The following ARNT2 variants were observed in gnomAD, a reference collection of about 807,000 sequenced individuals.
ARNT2 encodes the protein ARNT protein 2.
In ARNT2, 36 loss-of-function variants were observed where a neutral mutation model predicts 91.7. That is an observed-to-expected ratio of 0.39 (90% CI 0.30 to 0.52). ARNT2 has a LOEUF of 0.52. ARNT2 is among the 20% of genes least tolerant of loss of function. The probability of loss-of-function intolerance (pLI) is 0.72; values close to 1 mark genes in which losing one functional copy is unlikely to be tolerated. For missense variants in ARNT2, 775 were observed against 939.3 expected (o/e 0.83, Z 2.29); for synonymous variants, 365 against 347.1 (o/e 1.05, Z -0.57).
chr15:80,572,508 T>C (rs990783604), intron 12 of ARNT2, among the ~76,000 whole-genome samples: 1 of 151,176 alleles, frequency 6.6e-6, no homozygotes, highest in African/African-American at 2.4e-5. Context: ...CCTCTCTTCC[T>C]ACCCACAGAA....
chr15:80,490,085 C>CTT (rs146840992), intron 5 of ARNT2, among the ~76,000 whole-genome samples: 2,147 of 152,210 alleles, frequency 0.014, 53 homozygotes, highest in African/African-American at 0.05. Flanking sequence ...CGTGCACACA[C>CTT]TTTTGTAAGC....
chr15:80,559,339 C>A lies in ARNT2; in HGVS notation c.1165-3749C>A, dbSNP rs529781466. On this transcript the variant is annotated intron_variant, in intron 11 of 18. Transcript: ENST00000303329. ...GTCCCAGCCCCAGACCCAGCCCCAG[C>A]CCCAGCCCCGGCCACAGGGCACTGT... Among the ~76,000 whole-genome samples, 689 of 151,924 alleles carry A rather than the reference C, an allele frequency of 4.5e-3. 2 individuals are homozygous for A. Among genetic ancestry groups the A allele is most frequent in the Middle Eastern group, 6.8e-3 (2 of 294 alleles).
rs200867174 is a variant in ARNT2 at position 80,580,593 on chromosome 15, G to A, written c.1752+44G>A. On this transcript the variant is annotated intron_variant, in intron 16 of 18. Coordinates refer to ENST00000303329, the MANE Select transcript of ARNT2 (RefSeq NM_014862.4). ...GCATCTCCCCTGGGTGACCAGAGAG[G>A]CAGAGCACTCTGGGAAGTGTTTTCT... 70 of 1,611,912 alleles carry A rather than the reference G, an allele frequency of 4.3e-5. 1 individual carries two copies. In the East Asian group the frequency reaches 1.4e-3, roughly 31 times the overall value.
At chr15:80,516,828 A>AATTATAT (rs1555411356) in intron 8 of ARNT2, among the ~76,000 whole-genome samples, 5 of 74,800 alleles carry the variant, frequency 6.7e-5, no homozygotes, top group Non-Finnish European at 1.3e-4. Flanking sequence ...TACAATTACA[A>AATTATAT]ATATATATAT....
chr15:80,528,366 TTATCTATCTATCTATC>T (rs149942992), intron 8 of ARNT2, among the ~76,000 whole-genome samples: 34 of 148,882 alleles, frequency 2.3e-4, no homozygotes, highest in African/African-American at 5.7e-4. Context: ...ATTTGACCAT[TTATCTATCTATCTATC>T]TATCTATCTA....
intron 17 of ARNT2, among the ~76,000 whole-genome samples, chr15:80,589,073 T>C (rs1470807610): frequency 6.6e-6 from 1 of 152,200 alleles, no homozygotes; most frequent in Non-Finnish European, 1.5e-5. Context: ...AAGGAAGGCC[T>C]GACTCAGACC....
intron 1 of ARNT2, among the ~76,000 whole-genome samples, chr15:80,435,061 G>C (rs1327421981): frequency 1.3e-5 from 2 of 152,024 alleles, no homozygotes; most frequent in Admixed American, 6.5e-5. Flanking sequence ...GTTGTCGCCT[G>C]TACCACTCTC....
At chr15:80,476,191 C>A (rs900593643) in intron 5 of ARNT2, among the ~76,000 whole-genome samples, 2 of 152,070 alleles carry the variant, frequency 1.3e-5, no homozygotes, top group East Asian at 1.9e-4. Flanking sequence ...TATGTTATTG[C>A]GAAATGGTAG....
chr15:80,552,252 T>G (rs1252455857), intron 9 of ARNT2, among the ~76,000 whole-genome samples: 1 of 152,218 alleles, frequency 6.6e-6, no homozygotes, highest in Non-Finnish European at 1.5e-5. Context: ...TTTTAACTAG[T>G]TCCTTAGGCT....
intron 5 of ARNT2, among the ~76,000 whole-genome samples, chr15:80,491,796 C>CTTTT (rs58958624): frequency 3.1e-4 from 21 of 67,588 alleles, no homozygotes; most frequent in African/African-American, 4.4e-4. Context: ...CAGGACAGGC[C>CTTTT]TTTTTTTTTT....
intron 5 of ARNT2, among the ~76,000 whole-genome samples, chr15:80,504,119 G>T (rs148159592): frequency 2.0e-5 from 3 of 152,194 alleles, no homozygotes; most frequent in Non-Finnish European, 4.4e-5. Context: ...GCAGTGGGAC[G>T]CAGGCTTGGG....
chr15:80,550,486 T>C (rs796343434), intron 8 of ARNT2, among the ~76,000 whole-genome samples: 5 of 152,336 alleles, frequency 3.3e-5, no homozygotes, highest in African/African-American at 1.2e-4. Context: ...CAAAAAGGAA[T>C]GCTTGTTTTC....
chr15:80,557,315 TC>T (rs147870572), intron 11 of ARNT2, among the ~76,000 whole-genome samples: 1,665 of 152,156 alleles, frequency 0.011, 43 homozygotes, highest in African/African-American at 0.039. Context: ...CCCAGGGATC[TC>T]CCCTTGGCTG....
At chr15:80,490,278 C>T (rs1007191933) in intron 5 of ARNT2, among the ~76,000 whole-genome samples, 4 of 152,116 alleles carry the variant, frequency 2.6e-5, no homozygotes, top group African/African-American at 7.2e-5. Context: ...GTTTTGCAGT[C>T]CCTCTTTGAG....
chr15:80,433,198 A>AT (rs11403665), intron 1 of ARNT2, among the ~76,000 whole-genome samples: 105,701 of 145,320 alleles, frequency 0.73, 39,511 homozygotes, highest in East Asian at 0.86. Context: ...GTATGCCCAC[A>AT]TTTTTTTTCC....
chr15:80,463,248 T>C (rs183040205), intron 3 of ARNT2, among the ~76,000 whole-genome samples: 3 of 152,288 alleles, frequency 2.0e-5, no homozygotes, highest in Non-Finnish European at 4.4e-5. Context: ...AGTTACCATG[T>C]GTGGGACACA....
rs1395802115 is a variant in ARNT2 at position 80,574,160 on chromosome 15, A to G, written c.1329A>G (p.Gln443=). 1.2e-6 allele frequency: 2 copies of G among 1,614,136 alleles called. No individual in the cohort carries two copies. The highest frequency in any genetic ancestry group is 1.7e-6 in the Non-Finnish European group (2 of 1,180,048). Residue 443 remains glutamine, a synonymous_variant, in exon 13 of 19, where the codon CAA becomes CAG. Transcript: ENST00000303329. ...TCTTGTTTCACAGGCAACTTCAGCAACAGCAGGCAGAATTGGAAGTGCACC... is the reference window on the plus strand; with the variant it reads ...TCTTGTTTCACAGGCAACTTCAGCAGCAGCAGGCAGAATTGGAAGTGCACC... ...CTNTNVKQLQ[Q]QQAELEVHQR...
At chr15:80,435,690 G>A (rs577343438) in intron 1 of ARNT2, among the ~76,000 whole-genome samples, 5 of 152,198 alleles carry the variant, frequency 3.3e-5, no homozygotes, top group Admixed American at 1.3e-4. Context: ...AGTGGGAGGC[G>A]TGTGGGCTTC....
At chr15:80,514,928 T>G (rs144727832) in intron 8 of ARNT2, among the ~76,000 whole-genome samples, 1 of 151,986 alleles carries the variant, frequency 6.6e-6, no homozygotes, top group Non-Finnish European at 1.5e-5. Context: ...AACCCACAAC[T>G]AATTGTACAA....
Sources: gnomAD v4.1 joint callset for allele counts (sites outside exome capture counted in the v4.1 genomes callset) on GRCh38, gnomAD v4.1.1 for gene constraint, MANE v1.5 for transcripts, NCBI Gene and HGNC (gene_info 2026-07-23, HGNC 2026-07-21) for gene names.